IL20: variants seen among roughly 807,000 people sequenced by gnomAD.
The protein encoded by IL20 is interleukin 20.
In IL20, 22 loss-of-function variants were observed where a neutral mutation model predicts 19.2. That is an observed-to-expected ratio of 1.15 (90% CI 0.82 to 1.64). The LOEUF is 1.64. Ranked by LOEUF, IL20 falls within the 40% of genes most tolerant of loss-of-function variation. The pLI, the probability that IL20 is intolerant of heterozygous loss-of-function variation, is 0.00. For synonymous variants in IL20, 70 were observed against 76.2 expected (o/e 0.92, Z 0.43); for missense variants, 215 against 212.8 (o/e 1.01, Z -0.06).
At position 206,868,608 on chromosome 1, in the gene IL20, T is replaced by C. The variant is rs1399816618; in HGVS notation, c.*44T>C. On this transcript the variant is annotated 3_prime_UTR_variant, in exon 6 of 6. Coordinates refer to ENST00000367098, the MANE Select transcript of IL20 (RefSeq NM_018724.4). ...GCTAAGAATATTCGAGGTCAAGAGC[T>C]CCAGTCTTCAATACCTGCAGAGGAG... is the stretch of plus-strand genomic sequence containing the variant. 1 of 1,469,770 alleles carries C rather than the reference T, an allele frequency of 6.8e-7. No individual in the cohort carries two copies. Among genetic ancestry groups the C allele is most frequent in the East Asian group, 2.4e-5 (1 of 40,876 alleles). The allele number at this position is 1,469,770 out of a possible 1,614,324, so 91.0% of individuals were successfully genotyped here.
intron 5 of IL20, 97 bp downstream of exon 5, chr1:206,867,555 CT>C (rs1333456515): frequency 9.7e-7 from 1 of 1,032,234 alleles, no homozygotes; most frequent in Non-Finnish European, 1.5e-6. Context: ...ATCCTGTAGC[CT>C]TCAGGTTCAT....
Position 206,869,093 on chromosome 1 carries a change from A to G in IL20, c.*529A>G, listed in dbSNP as rs1677642526. The G allele has an allele frequency of 6.6e-6, 1 of 152,302 alleles. No individual in the cohort carries two copies. Among genetic ancestry groups the G allele is most frequent in the Admixed American group, 6.5e-5 (1 of 15,276 alleles). 9.4% of individuals were successfully genotyped at this position (152,302 alleles called of 1,614,324 possible). ...GGTTGTGGAATAAGTTTTGATGTGG[A>G]ATTGCACATCTACCTTACAATTACT... On this transcript the variant is annotated 3_prime_UTR_variant, in exon 6 of 6. Transcript: ENST00000367098.
upstream of IL20, among the ~76,000 whole-genome samples, chr1:206,864,482 G>A (rs1331898199): frequency 1.3e-5 from 2 of 151,856 alleles, no homozygotes; most frequent in Non-Finnish European, 2.9e-5. Context: ...AAATATTAAA[G>A]TATTTGAGAA....
chr1:206,865,389 C>A, upstream of IL20: 1 of 507,388 alleles, frequency 2.0e-6, no homozygotes, highest in Non-Finnish European at 2.6e-6. This position sits in a 1 kb window ranked among gnomAD's most constrained non-coding sequence, Gnocchi z 4.1. Flanking sequence ...GATTCGATTT[C>A]TCCCCAGTTC....
chr1:206,868,721 T>TAAAGACAATCATGCAA lies in IL20; in HGVS notation c.*157_*158insAAAGACAATCATGCAA. ...TTTATGCATTACTTGCTTCCTTGCATGATTGTCTTTATGCATCCCCAATCT... is the reference window on the plus strand; with the variant it reads ...TTTATGCATTACTTGCTTCCTTGCATAAAGACAATCATGCAAGATTGTCTTTATGCATCCCCAATCT... On this transcript the variant is annotated 3_prime_UTR_variant, in exon 6 of 6. Coordinates refer to ENST00000367098, the MANE Select transcript of IL20 (RefSeq NM_018724.4). The TAAAGACAATCATGCAA allele has an allele frequency of 2.4e-6, 1 of 409,570 alleles. No homozygotes were observed. The highest frequency in any genetic ancestry group is 4.2e-6 in the Non-Finnish European group (1 of 235,710). The allele number at this position is 409,570 out of a possible 1,614,324, so 25.4% of individuals were successfully genotyped here.
intron 5 of IL20, 47 bp downstream of exon 5, chr1:206,867,505 T>C: frequency 6.9e-7 from 1 of 1,458,590 alleles, no homozygotes; most frequent in Non-Finnish European, 9.6e-7. Flanking sequence ...TTTTAAGAAC[T>C]GAGATCATAG....
rs1208429750 is a variant in IL20 at position 206,865,780 on chromosome 1, A to T, written c.-30-43A>T. 6.7e-6 allele frequency: 10 copies of T among 1,491,676 alleles called. No homozygotes were observed. The highest frequency in any genetic ancestry group is 9.1e-6 in the Non-Finnish European group (10 of 1,096,084). 92.4% of individuals were successfully genotyped at this position (1,491,676 alleles called of 1,614,324 possible). ...CCCTCACCCCGTGGACACTTGGAGG[A>T]GGGGAAACTCAGTAAGTCATGCTCT... On this transcript the variant is annotated intron_variant, in intron 1 of 5. Transcript: ENST00000367098. The surrounding 1 kb of genome is among the most constrained non-coding windows in gnomAD (Gnocchi z 4.1).
Position 206,866,000 on chromosome 1 carries a change from C to G in IL20, c.148C>G (p.Arg50Gly), listed in dbSNP as rs148039496. 391 of 1,613,984 alleles carry G rather than the reference C, an allele frequency of 2.4e-4. 1 individual carries two copies. In the African/African-American group the frequency reaches 4.5e-3, roughly 19 times the overall value. Residue 50 changes from arginine (R) to glycine (G), a missense_variant, in exon 2 of 6, where the codon CGG (arginine) becomes GGG (glycine). Transcript: ENST00000367098. This position sits in a 1 kb window ranked among gnomAD's most constrained non-coding sequence, Gnocchi z 4.1. ...AATACGAAATGGATTTTCTGAGATA[C>G]GGGGCAGTGTGGTACGTAAGCGGGT... ...QEIRNGFSEI[R>G]GSVQAKDGNI... is the part of the protein sequence containing the mutation.
At chr1:206,866,780 A>G (rs1046117796) in intron 4 of IL20, 144 bp downstream of exon 4, 1 of 849,284 alleles carries the variant, frequency 1.2e-6, no homozygotes, top group Non-Finnish European at 1.8e-6. Context: ...ACATGTGACT[A>G]GGTAATAAGA....
At chr1:206,863,761 A>G (rs1293405953), upstream of IL20, among the ~76,000 whole-genome samples, 1 of 152,204 alleles carries the variant, frequency 6.6e-6, no homozygotes, top group Non-Finnish European at 1.5e-5. Context: ...CATCATGTTT[A>G]TCTTTGTACT....
In IL20 at chr1:206,866,114, G is replaced by C. The variant is rs1323942833; in HGVS notation, c.159+103G>C. ...GGCAGTGTAATCATAAAAAGAGGCA[G>C]GCTGGGGATTCCTTACCCGGGGGAT... On this transcript the variant is annotated intron_variant, in intron 2 of 5. Coordinates refer to ENST00000367098, the MANE Select transcript of IL20 (RefSeq NM_018724.4). 3.2e-6 allele frequency: 4 copies of C among 1,250,616 alleles called. No homozygotes were observed. The East Asian group carries it at 9.3e-5, about 29-fold the overall frequency. The allele number at this position is 1,250,616 out of a possible 1,614,324, so 77.5% of individuals were successfully genotyped here. A position where few individuals can be genotyped will look rare whatever the true frequency, so the allele number is the denominator to read the frequency against.
At position 206,865,735 on chromosome 1, in the gene IL20, C is replaced by T; in HGVS notation, c.-31+49C>T. 1 of 1,482,394 alleles carries T rather than the reference C, an allele frequency of 6.7e-7. No homozygotes were observed. Among genetic ancestry groups the T allele is most frequent in the South Asian group, 1.4e-5 (1 of 71,526 alleles). 91.8% of individuals were successfully genotyped at this position (1,482,394 alleles called of 1,614,324 possible). A position where few individuals can be genotyped will look rare whatever the true frequency, so the allele number is the denominator to read the frequency against. ...CTGTCTGAGGCCAGATAAGGCTGTT[C>T]TCTTCCCCTGACCCCCCACCCCTCA... On this transcript the variant is annotated intron_variant, in intron 1 of 5. Transcript: ENST00000367098. The surrounding 1 kb of genome is among the most constrained non-coding windows in gnomAD (Gnocchi z 4.1).
At chr1:206,867,185 G>C (rs758848448) in intron 4 of IL20, among the ~76,000 whole-genome samples, 199 bp from the exon 5 acceptor site, 15 of 152,136 alleles carry the variant, frequency 9.9e-5, no homozygotes, top group Non-Finnish European at 2.1e-4. Flanking sequence ...TGAGTTCCAT[G>C]TTTGAGCCTA....
chr1:206,868,302 G>T (rs1677617070), intron 5 of IL20, among the ~76,000 whole-genome samples, 185 bp from the exon 6 acceptor site: 1 of 152,126 alleles, frequency 6.6e-6, no homozygotes, highest in Admixed American at 6.6e-5. Flanking sequence ...TAAGACCAGG[G>T]TGATGAACTC....
chr1:206,865,524 A>G, upstream of IL20: 7 of 1,095,162 alleles, frequency 6.4e-6, no homozygotes, highest in Non-Finnish European at 6.7e-6. This position sits in a 1 kb window ranked among gnomAD's most constrained non-coding sequence, Gnocchi z 4.1. Context: ...CTATCTATTC[A>G]CTGCAAGTGC....
chr1:206,865,421 A>C (rs1677518358), upstream of IL20: 1 of 832,546 alleles, frequency 1.2e-6, no homozygotes. This position sits in a 1 kb window ranked among gnomAD's most constrained non-coding sequence, Gnocchi z 4.1. Context: ...TGAGGGGACC[A>C]GAAGGGTGAG....
At position 206,868,406 on chromosome 1, in the gene IL20, G is replaced by C; in HGVS notation, c.454-81G>C. The C allele has an allele frequency of 4.6e-6, 4 of 871,834 alleles. No individual in the cohort carries two copies. The South Asian group carries it at 8.7e-5, about 19-fold the overall frequency. The allele number at this position is 871,834 out of a possible 1,614,324, so 54.0% of individuals were successfully genotyped here. A position where few individuals can be genotyped will look rare whatever the true frequency, so the allele number is the denominator to read the frequency against. On this transcript the variant is annotated intron_variant, in intron 5 of 5. Coordinates refer to ENST00000367098, the MANE Select transcript of IL20 (RefSeq NM_018724.4). ...AATGCTCTGCTTACAATTGTCAGCA[G>C]ACCTATCCATAAAAGAGATAGGTCC...
In IL20 at chr1:206,868,651, C is replaced by A; in HGVS notation, c.*87C>A. ...CAGAGGAGGCATGACCCCAAACCAC[C>A]ATCTCTTTACTGTACTAGTCTTGTG... On this transcript the variant is annotated 3_prime_UTR_variant, in exon 6 of 6. Transcript: ENST00000367098. 1 of 848,630 alleles carries A rather than the reference C, an allele frequency of 1.2e-6. No homozygotes were observed. Among genetic ancestry groups the A allele is most frequent in the Admixed American group, 2.9e-5 (1 of 34,672 alleles). The allele number at this position is 848,630 out of a possible 1,614,324, so 52.6% of individuals were successfully genotyped here. A position where few individuals can be genotyped will look rare whatever the true frequency, so the allele number is the denominator to read the frequency against.
chr1:206,865,766 T>C lies in IL20; in HGVS notation c.-30-57T>C, dbSNP rs1420895655. 8.0e-6 allele frequency: 12 copies of C among 1,504,368 alleles called. No homozygotes were observed. The highest frequency in any genetic ancestry group is 2.7e-6 in the Non-Finnish European group (3 of 1,107,744). 93.2% of individuals were successfully genotyped at this position (1,504,368 alleles called of 1,614,324 possible). A position where few individuals can be genotyped will look rare whatever the true frequency, so the allele number is the denominator to read the frequency against. ...CCCTGACCCCCCACCCCTCACCCCG[T>C]GGACACTTGGAGGAGGGGAAACTCA... On this transcript the variant is annotated intron_variant, in intron 1 of 5. Transcript: ENST00000367098. This position sits in a 1 kb window ranked among gnomAD's most constrained non-coding sequence, Gnocchi z 4.1.
Sources: allele counts gnomAD v4.1 joint callset (sites outside exome capture counted in the v4.1 genomes callset), GRCh38; gene constraint gnomAD v4.1.1; non-coding constraint Gnocchi (gnomAD v3.1); transcripts MANE v1.5; gene names NCBI Gene and HGNC (gene_info 2026-07-23, HGNC 2026-07-21).